Variants in OCA2 observed in about 807,000 individuals in gnomAD.
The protein encoded by OCA2 is OCA2 melanosomal transmembrane protein, also known as P protein.
In OCA2, 77 loss-of-function variants were observed where a neutral mutation model predicts 100.2. That is an observed-to-expected ratio of 0.77 (90% CI 0.64 to 0.93). The LOEUF is 0.93. Among genes scored for constraint, OCA2 ranks in the 40% least tolerant of loss-of-function variants. The pLI is 0.00. For missense variants in OCA2, 1,062 were observed against 1,089.1 expected (o/e 0.98, Z 0.35); for synonymous variants, 432 against 439.2 (o/e 0.98, Z 0.21).
downstream of OCA2, among the ~76,000 whole-genome samples, chr15:27,751,911 G>GCGT (rs1270226385): frequency 2.0e-5 from 3 of 152,220 alleles, no homozygotes; most frequent in African/African-American, 7.2e-5. Flanking sequence ...CTTGGGCTGT[G>GCGT]CGTCACAAGC....
At chr15:27,759,502 A>G (rs2150985740) in intron 23 of OCA2, among the ~76,000 whole-genome samples, 1 of 152,312 alleles carries the variant, frequency 6.6e-6, no homozygotes, top group Non-Finnish European at 1.5e-5. Context: ...ACAAACAGTA[A>G]TCAAAAGAGC....
At position 27,983,437 on chromosome 15, in the gene OCA2, C is replaced by G; in HGVS notation, c.1411G>C (p.Glu471Gln). 1 of 1,614,208 alleles carries G rather than the reference C, an allele frequency of 6.2e-7. No individual in the cohort carries two copies. The change falls in exon 14 of 24, where the codon GAA becomes CAA. Residue 471 changes from glutamate (E) to glutamine (Q), a missense_variant. Coordinates refer to ENST00000354638, the MANE Select transcript of OCA2 (RefSeq NM_000275.3). ...NLDPRQVLIAEVIFTNIGGAA... is the reference protein window; with the variant it reads ...NLDPRQVLIAQVIFTNIGGAA... ...CCTCCAATGTTTGTGAAGATCACTT[C>G]TGCAATCAGGACTTGTCTTGGATCA...
At chr15:28,013,596 A>G (rs1007046652) in intron 9 of OCA2, among the ~76,000 whole-genome samples, 2 of 152,170 alleles carry the variant, frequency 1.3e-5, no homozygotes, top group Non-Finnish European at 2.9e-5. Flanking sequence ...CAGGTTGCCC[A>G]GGGCAGAAAC....
At chr15:28,068,906 A>G (rs562917366) in intron 2 of OCA2, among the ~76,000 whole-genome samples, 2 of 152,300 alleles carry the variant, frequency 1.3e-5, no homozygotes, top group Non-Finnish European at 2.9e-5. Context: ...TCATGATAAA[A>G]ATCCTCAACA....
chr15:27,753,481 T>G (rs376395520), downstream of OCA2, among the ~76,000 whole-genome samples: 1 of 151,960 alleles, frequency 6.6e-6, no homozygotes. Flanking sequence ...TGCCTGTAAT[T>G]CCAGCACTTT....
At chr15:27,810,252 T>C (rs1027115138) in intron 23 of OCA2, among the ~76,000 whole-genome samples, 9 of 151,978 alleles carry the variant, frequency 5.9e-5, no homozygotes, top group African/African-American at 1.9e-4. Context: ...AAACATAAAG[T>C]GGAAAAGGAC....
chr15:27,753,990 G>A (rs971665933), downstream of OCA2, among the ~76,000 whole-genome samples: 4 of 152,038 alleles, frequency 2.6e-5, no homozygotes, highest in East Asian at 2.0e-4. Context: ...TTCAGTGACC[G>A]GCTCAGGGAT....
intron 19 of OCA2, among the ~76,000 whole-genome samples, chr15:27,923,935 G>A (rs1459855887): frequency 5.3e-5 from 8 of 152,136 alleles, no homozygotes; most frequent in South Asian, 2.1e-4. Flanking sequence ...ATCTTTTCCC[G>A]TGCCTATGTG....
rs368126732 is a variant in OCA2 at position 27,926,163 on chromosome 15, G to A, written c.2043C>T (p.Thr681=). The change falls in exon 19 of 24, where the codon ACC becomes ACT. Residue 681 remains threonine, a synonymous_variant. Coordinates refer to ENST00000354638, the MANE Select transcript of OCA2 (RefSeq NM_000275.3). ...EIILHRVEWA[T]LLFFAALFVL... ...CAAAGAGCGCTGCAAAAAACAGAAGGGTTGCCCATTCCACTCTGTGTAGAA... is the reference window on the plus strand; with the variant it reads ...CAAAGAGCGCTGCAAAAAACAGAAGAGTTGCCCATTCCACTCTGTGTAGAA... 13 of 1,613,972 alleles carry A rather than the reference G, an allele frequency of 8.1e-6. No homozygotes were observed. The highest frequency in any genetic ancestry group is 1.1e-5 in the Non-Finnish European group (13 of 1,179,950).
rs2141229433 is a variant in OCA2, at chr15:28,014,903, GC to G, written c.916del (p.Ala306ProfsTer12). On this transcript the variant is annotated frameshift_variant, in exon 9 of 24. Transcript: ENST00000354638. LOFTEE classifies it high-confidence loss of function. ...TRETVSISIR[A>X]SLQQTQAVPL... ...GACAGCCTGGGTCTGCTGCAGGGAG[GC>G]CCGGATGCTGATGGACACCGTCTCT... The G allele has an allele frequency of 6.2e-7, 1 of 1,614,114 alleles. No individual in the cohort carries two copies. The highest frequency in any genetic ancestry group is 8.5e-7 in the Non-Finnish European group (1 of 1,180,000).
chr15:28,009,207 A>G (rs2141182759), intron 9 of OCA2, among the ~76,000 whole-genome samples: 1 of 152,288 alleles, frequency 6.6e-6, no homozygotes, highest in African/African-American at 2.4e-5. Context: ...AGCCTTCTCT[A>G]CCTTCCACAT....
At chr15:27,752,180 T>A (rs779941801), downstream of OCA2, among the ~76,000 whole-genome samples, 1 of 152,164 alleles carries the variant, frequency 6.6e-6, no homozygotes, top group African/African-American at 2.4e-5. Flanking sequence ...AGACCCTTCA[T>A]CTGGATTTTC....
chr15:28,058,999 A>G (rs2043790976), intron 2 of OCA2, among the ~76,000 whole-genome samples: 1 of 152,192 alleles, frequency 6.6e-6, no homozygotes, highest in Non-Finnish European at 1.5e-5. Flanking sequence ...GCACATTCCC[A>G]CTGGGTCCAG....
intron 9 of OCA2, among the ~76,000 whole-genome samples, chr15:28,010,041 C>T (rs1289402506): frequency 6.6e-6 from 1 of 151,862 alleles, no homozygotes; most frequent in Non-Finnish European, 1.5e-5. Flanking sequence ...CAAGTCTAGT[C>T]CAATATTCTA....
intron 16 of OCA2, among the ~76,000 whole-genome samples, chr15:27,955,472 C>T (rs993995423): frequency 5.3e-5 from 8 of 152,144 alleles, no homozygotes; most frequent in East Asian, 3.9e-4. Flanking sequence ...TGACAGCTTG[C>T]GCAGGGGAAG....
intron 23 of OCA2, among the ~76,000 whole-genome samples, chr15:27,756,214 A>T (rs1301066014): frequency 6.6e-6 from 1 of 152,202 alleles, no homozygotes; most frequent in Admixed American, 6.5e-5. Flanking sequence ...GCCCCTGCAA[A>T]TGTTACAATT....
chr15:27,979,363 G>T (rs116172304), intron 14 of OCA2, among the ~76,000 whole-genome samples: 1 of 152,152 alleles, frequency 6.6e-6, no homozygotes, highest in Non-Finnish European at 1.5e-5. Flanking sequence ...GTTGGATGGG[G>T]CTTGTTTGTT....
chr15:27,734,206 G>C, the OCA2 span, among the ~76,000 whole-genome samples: 1 of 129,386 alleles, frequency 7.7e-6, no homozygotes, highest in Non-Finnish European at 1.6e-5. Context: ...CAGAATGGCA[G>C]AATAGTGCAA....
chr15:27,893,231 T>A (rs2037539694), intron 19 of OCA2, among the ~76,000 whole-genome samples: 1 of 152,250 alleles, frequency 6.6e-6, no homozygotes, highest in Non-Finnish European at 1.5e-5. Flanking sequence ...TATAATTTCT[T>A]ATGCCTGTCT....
Sources: allele counts gnomAD v4.1 joint callset (sites outside exome capture counted in the v4.1 genomes callset), GRCh38; gene constraint gnomAD v4.1.1; transcripts MANE v1.5; gene names NCBI Gene and HGNC (gene_info 2026-07-23, HGNC 2026-07-21).